Variants in CDYL2 observed in about 807,000 individuals in gnomAD.
CDYL2 encodes chromodomain Y like 2, also known as chromodomain Y-like protein 2.
Under a neutral mutation model 49.4 loss-of-function variants are expected in CDYL2, and 23 were observed. That is an observed-to-expected ratio of 0.47 (90% CI 0.34 to 0.66). The LOEUF (loss-of-function observed/expected upper bound fraction) is 0.66, where lower values mean the gene tolerates loss of function less well. Among genes scored for constraint, CDYL2 ranks in the 30% least tolerant of loss-of-function variants. CDYL2 has a pLI of 0.01. For synonymous variants in CDYL2, 360 were observed against 268.8 expected, an observed-to-expected ratio of 1.34 and a Z score of -3.32; for missense variants, 678 against 656.4, an observed-to-expected ratio of 1.03 and a Z score of -0.36.
At chr16:80,638,501 A>C (rs1907940445) in intron 2 of CDYL2, among the ~76,000 whole-genome samples, 1 of 152,220 alleles carries the variant, frequency 6.6e-6, no homozygotes, top group African/African-American at 2.4e-5. Flanking sequence ...TTATTTGGGA[A>C]GGCAAAAGAC....
intron 1 of CDYL2, among the ~76,000 whole-genome samples, chr16:80,737,888 C>T (rs1567590318): frequency 1.3e-5 from 2 of 152,098 alleles, no homozygotes; most frequent in African/African-American, 4.8e-5. Context: ...TTGTTTTATA[C>T]TTTAAGTTCT....
intron 1 of CDYL2, among the ~76,000 whole-genome samples, chr16:80,712,379 C>T (rs1015119653): frequency 4.6e-5 from 7 of 151,792 alleles, no homozygotes; most frequent in Non-Finnish European, 7.4e-5. Context: ...TTTGTGTACC[C>T]TTACAAGTCT....
At chr16:80,746,459 G>A (rs555672042) in intron 1 of CDYL2, among the ~76,000 whole-genome samples, 1 of 152,284 alleles carries the variant, frequency 6.6e-6, no homozygotes, top group East Asian at 1.9e-4. Flanking sequence ...GATTTCTAAA[G>A]TGTGAATTCT....
intron 1 of CDYL2, among the ~76,000 whole-genome samples, chr16:80,759,965 C>T (rs1180627407): frequency 1.3e-5 from 2 of 152,180 alleles, no homozygotes; most frequent in Non-Finnish European, 2.9e-5. Context: ...ATTACTGTCT[C>T]AGGGTAAATT....
chr16:80,673,581 G>C (rs886222246), intron 2 of CDYL2, among the ~76,000 whole-genome samples: 4 of 152,052 alleles, frequency 2.6e-5, no homozygotes, highest in Non-Finnish European at 5.9e-5. Context: ...TAATAATCTA[G>C]ACGACAAAAT....
intron 1 of CDYL2, among the ~76,000 whole-genome samples, chr16:80,741,222 G>T (rs1391504077): frequency 6.6e-6 from 1 of 150,422 alleles, no homozygotes; most frequent in East Asian, 1.9e-4. Context: ...ATAATAAAAT[G>T]GTATTTTAGA....
At chr16:80,637,915 TA>T (rs1466148713) in intron 2 of CDYL2, among the ~76,000 whole-genome samples, 5 of 152,326 alleles carry the variant, frequency 3.3e-5, no homozygotes, top group African/African-American at 1.2e-4. Context: ...GTTAAAACTT[TA>T]AAAAATATTG....
chr16:80,773,549 A>T (rs544093854), intron 1 of CDYL2, among the ~76,000 whole-genome samples: 9 of 152,326 alleles, frequency 5.9e-5, no homozygotes, highest in African/African-American at 2.2e-4. Context: ...TACAAAAAGT[A>T]GTCCCACACT....
chr16:80,614,299 G>T (rs145147635), intron 4 of CDYL2, among the ~76,000 whole-genome samples: 12 of 152,340 alleles, frequency 7.9e-5, no homozygotes, highest in African/African-American at 2.9e-4. Flanking sequence ...CCAAGTGCTG[G>T]CCAAACAGGA....
intron 1 of CDYL2, among the ~76,000 whole-genome samples, chr16:80,796,244 T>G (rs1264567309): frequency 6.6e-6 from 1 of 152,204 alleles, no homozygotes; most frequent in Non-Finnish European, 1.5e-5. Flanking sequence ...TTGAGGCCTT[T>G]CAACTGATTG....
chr16:80,780,397 C>CTTTTTTTTTTTTT (rs1022730941), intron 1 of CDYL2, among the ~76,000 whole-genome samples: 1 of 105,354 alleles, frequency 9.5e-6, no homozygotes, highest in African/African-American at 4.0e-5. Context: ...TGCACAATAT[C>CTTTTTTTTTTTTT]TTTTTTTTTT....
intron 2 of CDYL2, chr16:80,670,937 C>T: frequency 2.2e-6 from 1 of 456,012 alleles, no homozygotes; most frequent in Non-Finnish European, 4.4e-6. Context: ...ACCAGCTGTT[C>T]TTCCACCACC....
chr16:80,623,509 C>G (rs912029855), intron 3 of CDYL2, among the ~76,000 whole-genome samples: 1 of 152,162 alleles, frequency 6.6e-6, no homozygotes, highest in African/African-American at 2.4e-5. Flanking sequence ...CTTAGACCAG[C>G]AGCTTCACAT....
At chr16:80,696,520 G>A (rs1399501948) in intron 1 of CDYL2, among the ~76,000 whole-genome samples, 1 of 151,554 alleles carries the variant, frequency 6.6e-6, no homozygotes. Flanking sequence ...CAAAAAAGAA[G>A]ACATTACAAC....
intron 1 of CDYL2, among the ~76,000 whole-genome samples, chr16:80,747,334 A>G (rs1320476934): frequency 6.6e-6 from 1 of 152,044 alleles, no homozygotes; most frequent in Non-Finnish European, 1.5e-5. Flanking sequence ...TGGGGTAGGT[A>G]TTTAACCTCT....
In CDYL2 at chr16:80,604,640, T is replaced by C. The variant is rs113693335; in HGVS notation, c.1363-94A>G. The stretch of plus-strand genomic sequence containing the variant: ...CCATGGGGCACTGGCCAACCTCCCA[T>C]ACTCACAGCCAGAGAAGGCTGCCTC... On this transcript the variant is annotated intron_variant, in intron 6 of 6. Transcript: ENST00000570137. 1.9e-5 allele frequency: 25 copies of C among 1,337,664 alleles called. 1 individual carries two copies. Among genetic ancestry groups the C allele is most frequent in the African/African-American group, 1.6e-4 (11 of 69,116 alleles). 82.9% of individuals were successfully genotyped at this position (1,337,664 alleles called of 1,614,324 possible). A position where few individuals can be genotyped will look rare whatever the true frequency, so the allele number is the denominator to read the frequency against.
chr16:80,623,776 T>A (rs1293753395), intron 3 of CDYL2, among the ~76,000 whole-genome samples: 1 of 152,122 alleles, frequency 6.6e-6, no homozygotes, highest in South Asian at 2.1e-4. Context: ...ACTCAGGAAG[T>A]CAGACTTTGG....
intron 2 of CDYL2, among the ~76,000 whole-genome samples, chr16:80,683,089 G>A (rs765213998): frequency 2.6e-5 from 4 of 152,140 alleles, no homozygotes; most frequent in South Asian, 4.1e-4. Flanking sequence ...ATCTACCATC[G>A]TCACACTGAA....
At chr16:80,620,652 TA>T in intron 4 of CDYL2, 110 bp downstream of exon 4, 1 of 1,056,932 alleles carries the variant, frequency 9.5e-7, no homozygotes, top group Non-Finnish European at 1.3e-6. Context: ...ATACTTATGC[TA>T]AAAATAAAAT....
Sources: allele counts gnomAD v4.1 joint callset (sites outside exome capture counted in the v4.1 genomes callset), GRCh38; gene constraint gnomAD v4.1.1; transcripts MANE v1.5; gene names NCBI Gene and HGNC (gene_info 2026-07-23, HGNC 2026-07-21).